HYDIN: variants seen among roughly 807,000 people sequenced by gnomAD.
The protein encoded by HYDIN is HYDIN axonemal central pair apparatus protein.
Under a neutral mutation model 403.9 loss-of-function variants are expected in HYDIN, and 132 were observed. That is an observed-to-expected ratio of 0.33 (90% CI 0.28 to 0.38). HYDIN has a LOEUF of 0.38. HYDIN is among the 10% of genes least tolerant of loss of function. The pLI is 1.00. For synonymous variants in HYDIN, 1,202 were observed against 1,891.7 expected, an observed-to-expected ratio of 0.64 and a Z score of 9.46; for missense variants, 2,827 against 5,009.5, an observed-to-expected ratio of 0.56 and a Z score of 13.15.
rs1298586368 is a variant in HYDIN, at chr16:70,802,875, T to C, written c.*4705A>G. The stretch of plus-strand genomic sequence containing the variant: ...ACCTTTGCTGACACAATCCTATGAA[T>C]GAAGGTAGGTGCGCTAACAAGTAGT... On this transcript the variant is annotated 3_prime_UTR_variant, in exon 86 of 86. Coordinates refer to ENST00000393567, the MANE Select transcript of HYDIN (RefSeq NM_001270974.2). The C allele has an allele frequency of 6.6e-6, 1 of 152,212 alleles. No homozygotes were observed. The highest frequency in any genetic ancestry group is 1.5e-5 in the Non-Finnish European group (1 of 68,034). 9.4% of individuals were successfully genotyped at this position (152,212 alleles called of 1,614,324 possible).
chr16:70,846,801 CTTCT>C (rs2038238480), intron 75 of HYDIN, among the ~76,000 whole-genome samples: 1 of 77,104 alleles, frequency 1.3e-5, no homozygotes, highest in Non-Finnish European at 2.6e-5. Flanking sequence ...ATGTAATGGC[CTTCT>C]TTGTCTCTTT....
intron 5 of HYDIN, among the ~76,000 whole-genome samples, chr16:71,175,090 ACAC>A (rs1188066628): frequency 1.3e-5 from 2 of 150,784 alleles, no homozygotes; most frequent in South Asian, 2.1e-4. Context: ...ACCACCATCT[ACAC>A]CACCACCACC....
intron 16 of HYDIN, among the ~76,000 whole-genome samples, chr16:71,063,523 T>A (rs1199373053): frequency 6.6e-6 from 1 of 152,164 alleles, no homozygotes; most frequent in Non-Finnish European, 1.5e-5. Flanking sequence ...AGAAACAACT[T>A]CCCCTGACCC....
intron 49 of HYDIN, among the ~76,000 whole-genome samples, 171 bp downstream of exon 49, chr16:70,908,081 T>C (rs1249059039): frequency 6.6e-6 from 1 of 152,190 alleles, no homozygotes; most frequent in Non-Finnish European, 1.5e-5. Context: ...TAGTATCATG[T>C]CCTCCCTGTG....
chr16:70,989,264 C>G (rs1304627385), intron 25 of HYDIN, among the ~76,000 whole-genome samples: 1 of 152,036 alleles, frequency 6.6e-6, no homozygotes, highest in Non-Finnish European at 1.5e-5. Context: ...GTCTTGAACT[C>G]GTGGCCTCAA....
intron 4 of HYDIN, among the ~76,000 whole-genome samples, chr16:71,177,146 G>A (rs1567412354): frequency 6.6e-6 from 1 of 152,164 alleles, no homozygotes; most frequent in African/African-American, 2.4e-5. Flanking sequence ...AGAGATGTTG[G>A]TTATCCATGA....
At chr16:71,071,732 A>C (rs1175419715) in intron 13 of HYDIN, among the ~76,000 whole-genome samples, 5 of 152,198 alleles carry the variant, frequency 3.3e-5, no homozygotes, top group Non-Finnish European at 5.9e-5. Flanking sequence ...GAAAAATTAC[A>C]TTTCTTTAAA....
intron 15 of HYDIN, chr16:71,066,691 G>A (rs1108875): frequency 1.9e-5 from 7 of 360,274 alleles, no homozygotes; most frequent in Non-Finnish European, 3.8e-5. Context: ...TTGGTCAAAA[G>A]GACACAGTCA....
intron 11 of HYDIN, among the ~76,000 whole-genome samples, chr16:71,092,283 C>T (rs1393677740): frequency 1.3e-4 from 20 of 152,236 alleles, no homozygotes; most frequent in Non-Finnish European, 1.0e-4. Context: ...CATGCCCTTT[C>T]CCCTTCCACA....
intron 15 of HYDIN, among the ~76,000 whole-genome samples, chr16:71,065,918 A>G (rs1313795045): frequency 6.6e-6 from 1 of 152,208 alleles, no homozygotes; most frequent in South Asian, 2.1e-4. Context: ...TAAGGACATG[A>G]AAGAGGCTTT....
At chr16:70,967,747 A>G (rs1457354094) in intron 36 of HYDIN, among the ~76,000 whole-genome samples, 2 of 151,212 alleles carry the variant, frequency 1.3e-5, no homozygotes, top group African/African-American at 2.5e-5. Flanking sequence ...TGGCCTCCCA[A>G]AGAATTTTGT....
intron 8 of HYDIN, among the ~76,000 whole-genome samples, chr16:71,130,470 G>GTTTTTT (rs56853905): frequency 1.1e-4 from 8 of 75,822 alleles, no homozygotes; most frequent in African/African-American, 1.4e-4. Flanking sequence ...ATATATACCG[G>GTTTTTT]TTTTTTTTTT....
intron 17 of HYDIN, 120 bp downstream of exon 17, chr16:71,062,049 C>G (rs1365369160): frequency 1.2e-6 from 1 of 810,596 alleles, no homozygotes; most frequent in East Asian, 2.7e-5. Flanking sequence ...AACATAAAAC[C>G]CTACAACTCC....
At chr16:71,106,267 GCTT>G (rs1220540526) in intron 10 of HYDIN, among the ~76,000 whole-genome samples, 2 of 151,666 alleles carry the variant, frequency 1.3e-5, no homozygotes, top group African/African-American at 4.8e-5. Flanking sequence ...TTCACATAAT[GCTT>G]CTTCATGTAT....
chr16:71,221,213 T>C (rs1184097150), intron 1 of HYDIN, among the ~76,000 whole-genome samples: 1 of 150,686 alleles, frequency 6.6e-6, no homozygotes, highest in Non-Finnish European at 1.5e-5. Context: ...CCCAGCTGAA[T>C]GCAGGGGACG....
chr16:70,808,871 C>A (rs140672807), intron 85 of HYDIN, among the ~76,000 whole-genome samples: 20 of 152,256 alleles, frequency 1.3e-4, no homozygotes, highest in Non-Finnish European at 2.2e-4. Flanking sequence ...TTGTAGCTGG[C>A]TGGAATGTGG....
In HYDIN at chr16:70,803,156, A is replaced by T. The variant is rs568610423; in HGVS notation, c.*4424T>A. On this transcript the variant is annotated 3_prime_UTR_variant, in exon 86 of 86. Coordinates refer to ENST00000393567, the MANE Select transcript of HYDIN (RefSeq NM_001270974.2). ...ACAGTTTTTAATAATTCAAACAATAAGGAATTTTTTTTTTACCAGAAGTAT... is the reference window on the plus strand; with the variant it reads ...ACAGTTTTTAATAATTCAAACAATATGGAATTTTTTTTTTACCAGAAGTAT... Among the ~76,000 whole-genome samples, 5 of 152,276 alleles carry T rather than the reference A, an allele frequency of 3.3e-5. No individual in the cohort carries two copies. The highest frequency in any genetic ancestry group is 7.3e-5 in the Non-Finnish European group (5 of 68,034).
At chr16:71,012,660 A>G (rs1445903442) in intron 23 of HYDIN, among the ~76,000 whole-genome samples, 3 of 152,240 alleles carry the variant, frequency 2.0e-5, no homozygotes, top group Admixed American at 2.0e-4. Context: ...CTATCTAATA[A>G]AAGAAAAAGA....
At chr16:70,894,129 C>A (rs1368110820) in intron 55 of HYDIN, 1 of 255,946 alleles carries the variant, frequency 3.9e-6, no homozygotes, top group African/African-American at 2.3e-5. Context: ...TCCCAGACAC[C>A]TATGGTTCCA....
Sources: allele counts gnomAD v4.1 joint callset (sites outside exome capture counted in the v4.1 genomes callset), GRCh38; gene constraint gnomAD v4.1.1; transcripts MANE v1.5; gene names NCBI Gene and HGNC (gene_info 2026-07-23, HGNC 2026-07-21).